FES: variants seen among roughly 807,000 people sequenced by gnomAD.
FES encodes FES proto-oncogene, tyrosine kinase, also known as tyrosine-protein kinase Fes/Fps.
Under a neutral mutation model 109.6 loss-of-function variants are expected in FES, and 83 were observed. The ratio of observed to expected loss-of-function variants is 0.76; its 90% CI spans 0.63 to 0.91. The LOEUF is 0.91. FES is among the 40% of genes least tolerant of loss of function. The pLI, the probability that FES is intolerant of heterozygous loss-of-function variation, is 0.00. For synonymous variants in FES, 458 were observed against 442.1 expected, an observed-to-expected ratio of 1.04 and a Z score of -0.45; for missense variants, 943 against 1,070.9, an observed-to-expected ratio of 0.88 and a Z score of 1.67.
chr15:90,885,697 G>T (rs927359933), intron 3 of FES, 112 bp downstream of exon 3: 2 of 1,461,060 alleles, frequency 1.4e-6, no homozygotes, highest in African/African-American at 2.8e-5. Context: ...GTCCCTGACC[G>T]CAGGCCTGGC....
At chr15:90,891,465 T>G in intron 11 of FES, 89 bp from the exon 12 acceptor site, 8 of 1,574,076 alleles carry the variant, frequency 5.1e-6, no homozygotes, top group Non-Finnish European at 6.1e-6. Context: ...GGGCAGGCCC[T>G]TTCTCCCCTG....
chr15:90,893,237 G>C (rs2033396470), intron 15 of FES, 43 bp downstream of exon 15: 3 of 1,613,198 alleles, frequency 1.9e-6, no homozygotes, highest in Non-Finnish European at 1.7e-6. Flanking sequence ...GCGCAGCCTG[G>C]TCAGGTGGCA....
At chr15:90,892,333 C>A in intron 13 of FES, 1 of 607,556 alleles carries the variant, frequency 1.6e-6, no homozygotes, top group Admixed American at 2.9e-5. Flanking sequence ...GACCTCATCA[C>A]CCCCACCCAG....
chr15:90,888,744 G>A (rs569369019), intron 5 of FES, among the ~76,000 whole-genome samples: 1 of 139,534 alleles, frequency 7.2e-6, no homozygotes, highest in East Asian at 2.1e-4. Context: ...AAGGATAGCA[G>A]TTCATTTATT....
At chr15:90,886,782 A>C (rs2032675428) in intron 3 of FES, among the ~76,000 whole-genome samples, 179 bp from the exon 4 acceptor site, 1 of 152,190 alleles carries the variant, frequency 6.6e-6, no homozygotes, top group Non-Finnish European at 1.5e-5. Context: ...TTGCCTCCCC[A>C]AGGGGTCTGT....
At position 90,893,210 on chromosome 15, in the gene FES, T is replaced by C. The variant is rs746514208; in HGVS notation, c.1921+16T>C. On this transcript the variant is annotated intron_variant, in intron 15 of 18. Transcript: ENST00000328850. ...CTTGTGCAGGGTGAGCGCGGGGCGC[T>C]GAGCTCCAGGTAGGGCGCGCAGCCT... The C allele has an allele frequency of 1.4e-5, 22 of 1,613,498 alleles. No individual in the cohort carries two copies. The highest frequency in any genetic ancestry group is 1.4e-5 in the Non-Finnish European group (17 of 1,179,886).
intron 13 of FES, 54 bp downstream of exon 13, chr15:90,892,165 C>T: frequency 1.3e-6 from 2 of 1,599,732 alleles, no homozygotes; most frequent in Non-Finnish European, 1.7e-6. Flanking sequence ...CTGAGTCGCG[C>T]CTGGGCCCCC....
chr15:90,889,671 G>T lies in FES; in HGVS notation c.926+35G>T. The T allele has an allele frequency of 6.2e-7, 1 of 1,610,046 alleles. No individual in the cohort carries two copies. The highest frequency in any genetic ancestry group is 8.5e-7 in the Non-Finnish European group (1 of 1,179,740). On this transcript the variant is annotated intron_variant, in intron 7 of 18. Transcript: ENST00000328850. This position sits in a 1 kb window ranked among gnomAD's most constrained non-coding sequence, Gnocchi z 6.1. ...GGCTTTGCACCTGGGCTGCGGCGGG[G>T]CTCCCAGCAGACCACGAGTGTTTAT...
At chr15:90,891,492 CCT>C (rs1167366162) in intron 11 of FES, 60 bp from the exon 12 acceptor site, 1 of 1,608,410 alleles carries the variant, frequency 6.2e-7, no homozygotes, top group Non-Finnish European at 8.5e-7. Flanking sequence ...TCCCTTTCCC[CCT>C]CCCAGGGCTC....
At chr15:90,894,351 G>A (rs1175053199) in intron 18 of FES, among the ~76,000 whole-genome samples, 3 of 152,138 alleles carry the variant, frequency 2.0e-5, no homozygotes, top group African/African-American at 7.2e-5. Flanking sequence ...TTGGGAGGCC[G>A]AGGCAGGTGG....
intron 13 of FES, 29 bp downstream of exon 13, chr15:90,892,140 C>T (rs370006366): frequency 1.5e-5 from 25 of 1,613,434 alleles, no homozygotes; most frequent in African/African-American, 1.3e-4. Context: ...GCCTCCTTGT[C>T]GCTGGCGACT....
chr15:90,888,181 C>T (rs180926491), intron 5 of FES, among the ~76,000 whole-genome samples: 2 of 152,378 alleles, frequency 1.3e-5, no homozygotes, highest in Admixed American at 6.5e-5. Context: ...TCTCGGCTTA[C>T]TGCAACCTCC....
At chr15:90,893,486 C>A (rs1361281392) in intron 16 of FES, 72 bp downstream of exon 16, 7 of 1,501,982 alleles carry the variant, frequency 4.7e-6, no homozygotes, top group Admixed American at 4.6e-5. Flanking sequence ...ACCCCTAGGG[C>A]CCCCCGCTGG....
rs755681388 is a variant in FES at position 90,893,398 on chromosome 15, A to G, written c.2029A>G (p.Lys677Glu). The change falls in exon 16 of 19, where the codon AAG (lysine) becomes GAG (glutamate). Residue 677 changes from lysine (K) to glutamate (E), a missense_variant. Coordinates refer to ENST00000328850, the MANE Select transcript of FES (RefSeq NM_002005.4). Reference sequence around the variant, plus strand: ...TGCTGGCATGGAGTACCTGGAGAGCAAGTGCTGCATCCACCGGTGAGTGGG... The same window carrying G: ...TGCTGGCATGGAGTACCTGGAGAGCGAGTGCTGCATCCACCGGTGAGTGGG... ...AAAGMEYLES[K>E]CCIHRDLAAR... The G allele has an allele frequency of 6.4e-7, 1 of 1,554,720 alleles. No homozygotes were observed. Among genetic ancestry groups the G allele is most frequent in the Non-Finnish European group, 8.7e-7 (1 of 1,152,780 alleles).
rs1333499202 is a variant in FES at position 90,889,012 on chromosome 15, G to A, written c.669-294G>A. ...TCACCACGTTAGCCAGGCTGGTCTCGAACTGACCTCAGGCAATCCACCCGC... is the reference window on the plus strand; with the variant it reads ...TCACCACGTTAGCCAGGCTGGTCTCAAACTGACCTCAGGCAATCCACCCGC... On this transcript the variant is annotated intron_variant, in intron 5 of 18. Transcript: ENST00000328850. This position sits in a 1 kb window ranked among gnomAD's most constrained non-coding sequence, Gnocchi z 6.1. 6.6e-6 allele frequency among the ~76,000 whole-genome samples: 1 copy of A among 152,004 alleles called. No homozygotes were observed. Among genetic ancestry groups the A allele is most frequent in the Non-Finnish European group, 1.5e-5 (1 of 68,010 alleles).
At position 90,889,985 on chromosome 15, in the gene FES, C is replaced by T. The variant is rs1280263129; in HGVS notation, c.1049+23C>T. 1.2e-6 allele frequency: 2 copies of T among 1,611,310 alleles called. No individual in the cohort carries two copies. The highest frequency in any genetic ancestry group is 3.3e-5 in the Admixed American group (2 of 59,938). ...GCGGTGAGTGGGCCCCTGCCTGCAG[C>T]AGCCTCCTGGGCCTCCCTCCCTCCT... is the stretch of plus-strand genomic sequence containing the variant. On this transcript the variant is annotated intron_variant, in intron 8 of 18. Coordinates refer to ENST00000328850, the MANE Select transcript of FES (RefSeq NM_002005.4). The surrounding 1 kb of genome is among the most constrained non-coding windows in gnomAD (Gnocchi z 6.1).
rs2032717668 is a variant in FES, at chr15:90,887,106, A to T, written c.484+49A>T. 1.9e-6 allele frequency: 3 copies of T among 1,613,358 alleles called. No individual in the cohort carries two copies. In the African/African-American group the frequency reaches 4.0e-5, roughly 22 times the overall value. On this transcript the variant is annotated intron_variant, in intron 4 of 18. Transcript: ENST00000328850. Reference sequence around the variant, plus strand: ...GGGAGGGAATCCGAAGCCAGTGCTGACCTGTCCTTGGGTACCCAGAGAGTG... The same window carrying T: ...GGGAGGGAATCCGAAGCCAGTGCTGTCCTGTCCTTGGGTACCCAGAGAGTG...
At chr15:90,894,858 GGAGTTT>G (rs2033567700) in intron 18 of FES, among the ~76,000 whole-genome samples, 1 of 152,236 alleles carries the variant, frequency 6.6e-6, no homozygotes, top group South Asian at 2.1e-4. Flanking sequence ...CTTGAGTCTA[GGAGTTT>G]GACACTAGCC....
intron 1 of FES, 156 bp downstream of exon 1, chr15:90,884,700 C>T (rs990414886): frequency 1.0e-5 from 2 of 200,578 alleles, no homozygotes; most frequent in Non-Finnish European, 1.0e-5. Context: ...AGGCTGTGGG[C>T]GCCTGAGGCT....
Sources: allele counts gnomAD v4.1 joint callset (sites outside exome capture counted in the v4.1 genomes callset), GRCh38; gene constraint gnomAD v4.1.1; non-coding constraint Gnocchi (gnomAD v3.1); transcripts MANE v1.5; gene names NCBI Gene and HGNC (gene_info 2026-07-23, HGNC 2026-07-21).